ATAD5: variants seen among roughly 807,000 people sequenced by gnomAD.
ATAD5 encodes ATPase family AAA domain-containing protein 5.
ATAD5 carries 58 observed loss-of-function variants against 176.9 expected under a neutral mutation model. That is an observed-to-expected ratio of 0.33 (90% CI 0.27 to 0.41). The LOEUF is 0.41. Among genes scored for constraint, ATAD5 ranks in the 10% least tolerant of loss-of-function variants. The pLI, the probability that ATAD5 is intolerant of heterozygous loss-of-function variation, is 1.00. For missense variants in ATAD5, 1,789 were observed against 2,094.1 expected (o/e 0.85, Z 2.84); for synonymous variants, 640 against 712.6 (o/e 0.90, Z 1.62).
chr17:30,863,444 G>GC (rs1279810002), intron 10 of ATAD5, among the ~76,000 whole-genome samples: 1 of 151,120 alleles, frequency 6.6e-6, no homozygotes, highest in African/African-American at 2.4e-5. Flanking sequence ...TCGGCTCACT[G>GC]CAAGCTCCGC....
At position 30,835,731 on chromosome 17, in the gene ATAD5, A is replaced by C; in HGVS notation, c.1650A>C (p.Leu550=). The change falls in exon 2 of 23, where the codon CTA becomes CTC. Residue 550 remains leucine (L), a synonymous_variant. Coordinates refer to ENST00000321990, the MANE Select transcript of ATAD5 (RefSeq NM_024857.5). ...AAGATATAGCAAATGATGACCTTCT[A>C]AAGGTTTCCTCTCTGTGTAACAATA... ...VYEDIANDDL[L]KVSSLCNNNK... is the part of the protein sequence containing the mutation. The C allele has an allele frequency of 6.2e-7, 1 of 1,612,126 alleles. No individual in the cohort carries two copies.
At position 30,835,520 on chromosome 17, in the gene ATAD5, A is replaced by G; in HGVS notation, c.1439A>G (p.Lys480Arg). The G allele has an allele frequency of 1.9e-6, 3 of 1,606,650 alleles. No homozygotes were observed. Among genetic ancestry groups the G allele is most frequent in the Non-Finnish European group, 2.5e-6 (3 of 1,178,342 alleles). The change falls in exon 2 of 23, where the codon AAG (lysine) becomes AGG (arginine). Residue 480 changes from lysine (K) to arginine (R), a missense_variant. Physicochemically the swap from Lys to Arg is conservative, Grantham distance 26. This residue lies in a region of ATAD5 where 696 missense variants were observed against 712.5 expected (regional missense o/e 0.98). Coordinates refer to ENST00000321990, the MANE Select transcript of ATAD5 (RefSeq NM_024857.5). ...AAGGAGAAAAATAAAAAGCTAAAGA[A>G]GAAGAATAAGAAAACATTAGATACT... Reference protein sequence around the residue: ...FLKEKNKKLKKKNKKTLDTGA... With the variant: ...FLKEKNKKLKRKNKKTLDTGA...
chr17:30,882,792 A>G (rs1188012556), intron 18 of ATAD5, among the ~76,000 whole-genome samples: 1 of 152,218 alleles, frequency 6.6e-6, no homozygotes, highest in African/African-American at 2.4e-5. Context: ...CACATTTTGT[A>G]TGATAATAAT....
intron 18 of ATAD5, among the ~76,000 whole-genome samples, chr17:30,886,449 G>A (rs1909329045): frequency 6.6e-6 from 1 of 151,172 alleles, no homozygotes; most frequent in Non-Finnish European, 1.5e-5. Context: ...GCCGAGGCTG[G>A]AGTGCAATGG....
At chr17:30,840,114 C>A (rs181826012) in intron 3 of ATAD5, among the ~76,000 whole-genome samples, 56 of 149,210 alleles carry the variant, frequency 3.8e-4, no homozygotes, top group African/African-American at 1.3e-3. Context: ...AGGAGAATCA[C>A]TTGAACTCGG....
At chr17:30,853,466 T>A (rs1296238476) in intron 6 of ATAD5, among the ~76,000 whole-genome samples, 1 of 151,624 alleles carries the variant, frequency 6.6e-6, no homozygotes, top group Non-Finnish European at 1.5e-5. Flanking sequence ...AATTAACAGT[T>A]AAAAAAAATA....
At chr17:30,845,458 A>T (rs1906440031) in intron 6 of ATAD5, among the ~76,000 whole-genome samples, 1 of 152,148 alleles carries the variant, frequency 6.6e-6, no homozygotes, top group East Asian at 1.9e-4. Flanking sequence ...CAGGAGGAGG[A>T]ACTGTGTTTC....
At position 30,869,481 on chromosome 17, in the gene ATAD5, A is replaced by G. The variant is rs752225637; in HGVS notation, c.3457-15A>G. ...AACCATTCTCCCTTCGTTTTTTCTTATATTCTTCTTTTAGATATTTGAAGT... is the reference window on the plus strand; with the variant it reads ...AACCATTCTCCCTTCGTTTTTTCTTGTATTCTTCTTTTAGATATTTGAAGT... On this transcript the variant is annotated splice_polypyrimidine_tract_variant and intron_variant, in intron 13 of 22. Transcript: ENST00000321990. 1.2e-6 allele frequency: 2 copies of G among 1,608,680 alleles called. No homozygotes were observed. The highest frequency in any genetic ancestry group is 1.7e-6 in the Non-Finnish European group (2 of 1,178,906).
In ATAD5 at chr17:30,886,542, G is replaced by C. The variant is rs137964279; in HGVS notation, c.4078-650G>C. 2.6e-3 allele frequency among the ~76,000 whole-genome samples: 398 copies of C among 152,116 alleles called. 2 individuals carry two copies. The highest frequency in any genetic ancestry group is 9.1e-3 in the African/African-American group (377 of 41,506). On this transcript the variant is annotated intron_variant, in intron 18 of 22. Transcript: ENST00000321990. ...AGCCTCCCGAGTAGCTGGGATTAGA[G>C]ATGGGGTATCACCATGTTGGGCAGG...
chr17:30,858,701 T>G (rs1907439791), intron 9 of ATAD5, among the ~76,000 whole-genome samples: 1 of 150,792 alleles, frequency 6.6e-6, no homozygotes, highest in Non-Finnish European at 1.5e-5. Flanking sequence ...TTTCTTTTTT[T>G]TTAGAGTGTT....
intron 8 of ATAD5, among the ~76,000 whole-genome samples, chr17:30,857,801 C>G (rs186767978): frequency 6.8e-6 from 1 of 147,952 alleles, no homozygotes. Flanking sequence ...AGTACAGTGG[C>G]ACGATCTCGG....
intron 14 of ATAD5, among the ~76,000 whole-genome samples, chr17:30,871,541 G>A (rs1323092057): frequency 6.6e-6 from 1 of 151,594 alleles, no homozygotes; most frequent in African/African-American, 2.4e-5. Flanking sequence ...ATAGAGACAG[G>A]GTTTGACCAT....
At position 30,874,466 on chromosome 17, in the gene ATAD5, G is replaced by A. The variant is rs1253523835; in HGVS notation, c.3608-1908G>A. Among the ~76,000 whole-genome samples, 10 of 144,234 alleles carry A rather than the reference G, an allele frequency of 6.9e-5. No homozygotes were observed. The East Asian group carries it at 1.0e-3, about 15-fold the overall frequency. The allele number at this position is 144,234 out of a possible 152,430, so 94.6% of individuals were successfully genotyped here. The stretch of plus-strand genomic sequence containing the variant: ...TGAGGCAGGAGAATTACTTGAACCC[G>A]GAAGGCAGAGGTTGCAGTGAGCTGA... On this transcript the variant is annotated intron_variant, in intron 14 of 22. Coordinates refer to ENST00000321990, the MANE Select transcript of ATAD5 (RefSeq NM_024857.5).
intron 10 of ATAD5, chr17:30,861,707 T>TGTG: frequency 6.6e-6 from 1 of 151,926 alleles, no homozygotes; most frequent in Non-Finnish European, 1.5e-5. Context: ...AGACAGGGTT[T>TGTG]CACTGTGTGG....
intron 2 of ATAD5, 87 bp from the exon 3 acceptor site, chr17:30,837,119 C>T: frequency 1.3e-6 from 1 of 752,966 alleles, no homozygotes; most frequent in Non-Finnish European, 2.0e-6. Flanking sequence ...TGCCACTGCA[C>T]CAGCTCTATT....
chr17:30,834,845 C>A lies in ATAD5; in HGVS notation c.764C>A (p.Ala255Glu), dbSNP rs764384488. 1 of 1,613,212 alleles carries A rather than the reference C, an allele frequency of 6.2e-7. No homozygotes were observed. The highest frequency in any genetic ancestry group is 8.5e-7 in the Non-Finnish European group (1 of 1,179,490). ...AACTCTAGAGATAACGTAACTGAAG[C>A]AGCCCAGTTAAATGATAGTATAATA... The part of the protein sequence containing the change: ...HANSRDNVTE[A>E]AQLNDSIITV... The change falls in exon 2 of 23, where the codon GCA becomes GAA. Residue 255 changes from alanine (A) to glutamate (E), a missense_variant. Transcript: ENST00000321990.
chr17:30,871,348 G>A (rs546457618), intron 14 of ATAD5, among the ~76,000 whole-genome samples: 35 of 151,060 alleles, frequency 2.3e-4, no homozygotes, highest in African/African-American at 8.3e-4. Flanking sequence ...TATCATCTGT[G>A]TAATTTTTGT....
intron 18 of ATAD5, among the ~76,000 whole-genome samples, chr17:30,885,672 C>T (rs1038287664): frequency 2.7e-5 from 3 of 112,922 alleles, no homozygotes; most frequent in Non-Finnish European, 3.3e-5. Context: ...TCGCTCTTGT[C>T]GCCCAGGCTG....
At chr17:30,865,374 G>A (rs888991001) in intron 10 of ATAD5, among the ~76,000 whole-genome samples, 1 of 151,980 alleles carries the variant, frequency 6.6e-6, no homozygotes, top group African/African-American at 2.4e-5. Context: ...GGGTTTCACC[G>A]TGTTAGCCAG....
Sources: gnomAD v4.1 joint callset for allele counts (sites outside exome capture counted in the v4.1 genomes callset) on GRCh38, gnomAD v4.1.1 for gene constraint, gnomAD v4.1.1 regional missense constraint, MANE v1.5 for transcripts, NCBI Gene and HGNC (gene_info 2026-07-23, HGNC 2026-07-21) for gene names.